CBX7: variants seen among roughly 807,000 people sequenced by gnomAD.
CBX7 encodes the protein chromobox 7.
A neutral mutation model predicts 31.4 loss-of-function variants in CBX7; 14 were observed. The ratio of observed to expected loss-of-function variants is 0.45; its 90% CI spans 0.29 to 0.70. The LOEUF is 0.70. Among genes scored for constraint, CBX7 ranks in the 30% least tolerant of loss-of-function variants. CBX7 has a pLI of 0.11. For missense variants in CBX7, 269 were observed against 351.9 expected (o/e 0.76, Z 1.89); for synonymous variants, 159 against 152.6 (o/e 1.04, Z -0.31).
At chr22:39,139,579 T>C (rs1930376579) in intron 3 of CBX7, among the ~76,000 whole-genome samples, 1 of 151,560 alleles carries the variant, frequency 6.6e-6, no homozygotes, top group Non-Finnish European at 1.5e-5. Flanking sequence ...GGCGGGCACC[T>C]GTAGTCCCAG....
At chr22:39,138,136 G>A (rs915501254) in intron 4 of CBX7, among the ~76,000 whole-genome samples, 10 of 148,888 alleles carry the variant, frequency 6.7e-5, no homozygotes, top group Admixed American at 2.0e-4. Context: ...AGCCAAGATC[G>A]CGCGCCACTG....
chr22:39,134,348 G>C (rs923452747), intron 5 of CBX7, 53 bp downstream of exon 5: 1 of 1,419,536 alleles, frequency 7.0e-7, no homozygotes, highest in African/African-American at 1.4e-5. Flanking sequence ...TGGACCTTAT[G>C]ACCCATAGGG....
At chr22:39,138,281 T>C (rs1216644242) in intron 4 of CBX7, among the ~76,000 whole-genome samples, 1 of 151,896 alleles carries the variant, frequency 6.6e-6, no homozygotes, top group Admixed American at 6.6e-5. Flanking sequence ...AGATTCTCAG[T>C]GATAATTTTG....
In CBX7 at chr22:39,152,565, ACGCGCACGCGCACG is replaced by A. The variant is rs1930904683; in HGVS notation, c.-135_-122del. On this transcript the variant is annotated 5_prime_UTR_variant, in exon 1 of 6. An upstream open reading frame in the 5' UTR loses its in-frame stop. Coordinates refer to ENST00000216133, the MANE Select transcript of CBX7 (RefSeq NM_175709.5). This position sits in a 1 kb window ranked among gnomAD's most constrained non-coding sequence, Gnocchi z 4.9. Reference sequence around the variant, plus strand: ...CCCCGTCACCCTCGTCCGGGCGCGCACGCGCACGCGCACGCGCGCACACCCCCTCGCGCTCCCTC... The same window carrying A: ...CCCCGTCACCCTCGTCCGGGCGCGCACGCGCACACCCCCTCGCGCTCCCTC... The A allele has an allele frequency of 5.3e-6, 1 of 190,024 alleles. No homozygotes were observed. The highest frequency in any genetic ancestry group is 2.6e-5 in the African/African-American group (1 of 38,316). The allele number at this position is 190,024 out of a possible 1,614,324, so 11.8% of individuals were successfully genotyped here.
At chr22:39,144,508 C>G (rs1930572393) in intron 2 of CBX7, among the ~76,000 whole-genome samples, 3 of 152,224 alleles carry the variant, frequency 2.0e-5, no homozygotes, top group Admixed American at 6.5e-5. Flanking sequence ...CAAAGTGGCC[C>G]GCTCAGGCCC....
chr22:39,152,559 GCGCGCA>G lies in CBX7; in HGVS notation c.-121_-116del, dbSNP rs199633170. ...CGGGGTCCCCGTCACCCTCGTCCGG[GCGCGCA>G]CGCGCACGCGCACGCGCGCACACCC... On this transcript the variant is annotated 5_prime_UTR_variant, in exon 1 of 6. Transcript: ENST00000216133. This position sits in a 1 kb window ranked among gnomAD's most constrained non-coding sequence, Gnocchi z 4.9. The G allele has an allele frequency of 6.7e-3, 1,869 of 280,484 alleles. 27 individuals are homozygous for G. The highest frequency in any genetic ancestry group is 0.038 in the African/African-American group (1,636 of 43,394). The allele number at this position is 280,484 out of a possible 1,614,324, so 17.4% of individuals were successfully genotyped here.
At chr22:39,139,223 G>A (rs1465818244) in intron 3 of CBX7, among the ~76,000 whole-genome samples, 4 of 152,142 alleles carry the variant, frequency 2.6e-5, no homozygotes, top group East Asian at 1.9e-4. Flanking sequence ...CCATCTTGTC[G>A]GGGGACAGGA....
rs1365793281 is a variant in CBX7, at chr22:39,131,292, G to C, written c.*2599C>G. The C allele has an allele frequency of 1.3e-5, 2 of 152,636 alleles. No homozygotes were observed. The highest frequency in any genetic ancestry group is 3.2e-3 in the Middle Eastern group (1 of 316). 9.5% of individuals were successfully genotyped at this position (152,636 alleles called of 1,614,324 possible). On this transcript the variant is annotated 3_prime_UTR_variant, in exon 6 of 6. Transcript: ENST00000216133. ...CTACATTCAAAGCGGGTGGGGGCTG[G>C]GGGAAAGAAAGGCAGATGGGCAAAT...
chr22:39,141,269 C>T, intron 3 of CBX7, 102 bp downstream of exon 3: 1 of 1,009,440 alleles, frequency 9.9e-7, no homozygotes. Flanking sequence ...CCATCGGACA[C>T]CCCTGCCCTG....
intron 2 of CBX7, among the ~76,000 whole-genome samples, chr22:39,143,645 C>CA (rs1930538933): frequency 6.6e-6 from 1 of 152,214 alleles, no homozygotes; most frequent in Admixed American, 6.5e-5. Flanking sequence ...GTCTGGGTGA[C>CA]AGAGCAACTT....
intron 3 of CBX7, among the ~76,000 whole-genome samples, chr22:39,139,234 T>A (rs922990678): frequency 4.6e-5 from 7 of 152,096 alleles, no homozygotes; most frequent in Non-Finnish European, 8.8e-5. Context: ...GGGGACAGGA[T>A]GAAAACCAGC....
intron 2 of CBX7, among the ~76,000 whole-genome samples, chr22:39,146,321 C>A (rs1380865782): frequency 6.6e-6 from 1 of 152,244 alleles, no homozygotes; most frequent in African/African-American, 2.4e-5. Context: ...ACTCCAGTCT[C>A]CCCAGCCTGG....
chr22:39,134,333 C>G (rs1930161058), intron 5 of CBX7, 68 bp downstream of exon 5: 1 of 1,323,040 alleles, frequency 7.6e-7, no homozygotes, highest in South Asian at 1.4e-5. Context: ...GGACATTGAA[C>G]CAGCTGGACC....
At chr22:39,140,196 C>T (rs1051943115) in intron 3 of CBX7, among the ~76,000 whole-genome samples, 13 of 152,196 alleles carry the variant, frequency 8.5e-5, no homozygotes, top group African/African-American at 2.7e-4. Context: ...AACCCCACGG[C>T]ACCTATTGCA....
chr22:39,138,581 G>A (rs1719900456), intron 4 of CBX7, 55 bp downstream of exon 4: 5 of 1,520,370 alleles, frequency 3.3e-6, no homozygotes, highest in Non-Finnish European at 4.6e-6. Context: ...AAGGGGCAGA[G>A]GGGGACTTGG....
intron 2 of CBX7, among the ~76,000 whole-genome samples, chr22:39,144,394 C>T (rs1930568078): frequency 6.6e-6 from 1 of 152,238 alleles, no homozygotes; most frequent in Non-Finnish European, 1.5e-5. Context: ...TGTCCCACTG[C>T]CAGCAGGACG....
Position 39,131,295 on chromosome 22 carries a change from G to A in CBX7, c.*2596C>T, listed in dbSNP as rs56205032. 1,115 of 152,786 alleles carry A rather than the reference G, an allele frequency of 7.3e-3. 4 individuals carry two copies. Among genetic ancestry groups the A allele is most frequent in the Non-Finnish European group, 0.011 (766 of 68,082 alleles). 9.5% of individuals were successfully genotyped at this position (152,786 alleles called of 1,614,324 possible). A position where few individuals can be genotyped will look rare whatever the true frequency, so the allele number is the denominator to read the frequency against. ...CATTCAAAGCGGGTGGGGGCTGGGG[G>A]AAAGAAAGGCAGATGGGCAAATGCT... On this transcript the variant is annotated 3_prime_UTR_variant, in exon 6 of 6. Coordinates refer to ENST00000216133, the MANE Select transcript of CBX7 (RefSeq NM_175709.5).
At chr22:39,149,707 C>A in intron 2 of CBX7, 82 bp downstream of exon 2, 1 of 1,184,218 alleles carries the variant, frequency 8.4e-7, no homozygotes, top group Non-Finnish European at 1.3e-6. Context: ...AAAAGCTAGG[C>A]AGGGGAGGGG....
intron 4 of CBX7, chr22:39,135,031 G>A: frequency 2.4e-6 from 1 of 408,984 alleles, no homozygotes; most frequent in East Asian, 3.7e-5. Flanking sequence ...AAGCATACAA[G>A]AAGGACAAAC....
Sources: gnomAD v4.1 joint callset for allele counts (sites outside exome capture counted in the v4.1 genomes callset) on GRCh38, gnomAD v4.1.1 for gene constraint, Gnocchi (gnomAD v3.1) non-coding constraint, MANE v1.5 for transcripts, NCBI Gene and HGNC (gene_info 2026-07-23, HGNC 2026-07-21) for gene names.